SCHIP1: variants seen among roughly 807,000 people sequenced by gnomAD.
SCHIP1 encodes schwannomin interacting protein 1, also known as schwannomin-interacting protein 1.
SCHIP1 carries 8 observed loss-of-function variants against 29.7 expected under a neutral mutation model. The observed-to-expected ratio is 0.27, with a 90% CI of 0.16 to 0.49. SCHIP1 has a LOEUF of 0.49. SCHIP1 is among the 20% of genes least tolerant of loss of function. The pLI, the probability that SCHIP1 is intolerant of heterozygous loss-of-function variation, is 0.99. For synonymous variants in SCHIP1, 76 were observed against 94.9 expected (o/e 0.80, Z 1.16); for missense variants, 193 against 294.6 (o/e 0.66, Z 2.52).
At chr3:159,878,638 C>T (rs1181722117) in intron 2 of SCHIP1, among the ~76,000 whole-genome samples, 2 of 145,566 alleles carry the variant, frequency 1.4e-5, no homozygotes, top group Admixed American at 6.9e-5. Context: ...ATTAGCCGGG[C>T]GTAGTGGCGG....
At chr3:159,731,082 C>CA in the SCHIP1 span, among the ~76,000 whole-genome samples, 1 of 152,100 alleles carries the variant, frequency 6.6e-6, no homozygotes, top group Admixed American at 6.5e-5. Context: ...TAAAAGATCC[C>CA]AAATCTGTGA....
At chr3:159,493,422 G>A in the SCHIP1 span, among the ~76,000 whole-genome samples, 3,824 of 151,784 alleles carry the variant, frequency 0.025, 170 homozygotes, top group African/African-American at 0.088. Context: ...CCAGGCAAAT[G>A]GAAAACAAAA....
chr3:159,362,566 G>A, the SCHIP1 span, among the ~76,000 whole-genome samples: 1 of 152,124 alleles, frequency 6.6e-6, no homozygotes, highest in Non-Finnish European at 1.5e-5. Flanking sequence ...CAACCTCATT[G>A]TTCAGTTGGG....
At chr3:159,398,985 C>A in the SCHIP1 span, 1 of 978,154 alleles carries the variant, frequency 1.0e-6, no homozygotes, top group Non-Finnish European at 1.2e-6. Context: ...ACAGCCCAGC[C>A]CAGAGAACTG....
chr3:159,392,406 A>T, the SCHIP1 span, among the ~76,000 whole-genome samples: 1 of 151,974 alleles, frequency 6.6e-6, no homozygotes. Flanking sequence ...GGTGCGCTGC[A>T]CCCACTAACT....
At chr3:159,732,363 T>C in the SCHIP1 span, among the ~76,000 whole-genome samples, 1 of 152,208 alleles carries the variant, frequency 6.6e-6, no homozygotes, top group Non-Finnish European at 1.5e-5. Flanking sequence ...AGACAGTCCC[T>C]GGGAAGTTTG....
At chr3:159,804,838 G>A in the SCHIP1 span, among the ~76,000 whole-genome samples, 4 of 152,308 alleles carry the variant, frequency 2.6e-5, no homozygotes, top group African/African-American at 7.2e-5. Context: ...TCTCTGCTCT[G>A]TTTTTTGCCG....
intron 2 of SCHIP1, among the ~76,000 whole-genome samples, chr3:159,879,450 T>G (rs1160947033): frequency 1.3e-5 from 2 of 152,216 alleles, no homozygotes; most frequent in African/African-American, 4.8e-5. Context: ...CTGCTTCATG[T>G]GTATCTGAGG....
chr3:159,784,962 G>C, the SCHIP1 span, among the ~76,000 whole-genome samples: 1 of 152,122 alleles, frequency 6.6e-6, no homozygotes, highest in Non-Finnish European at 1.5e-5. Context: ...CCAAGTAAAT[G>C]GTTTTAAATC....
chr3:159,597,849 A>G, the SCHIP1 span, among the ~76,000 whole-genome samples: 1 of 152,222 alleles, frequency 6.6e-6, no homozygotes, highest in Non-Finnish European at 1.5e-5. Context: ...TGTGAAAGAT[A>G]CTACCCATGA....
chr3:159,827,509 C>T, the SCHIP1 span, among the ~76,000 whole-genome samples: 3 of 152,130 alleles, frequency 2.0e-5, no homozygotes, highest in East Asian at 3.8e-4. Flanking sequence ...TACTATTTTA[C>T]GTTATCCTAC....
the SCHIP1 span, among the ~76,000 whole-genome samples, chr3:159,528,670 T>C: frequency 1.3e-5 from 2 of 152,176 alleles, no homozygotes; most frequent in African/African-American, 2.4e-5. Flanking sequence ...CATATCAGCC[T>C]CAGAATGCCC....
chr3:159,514,448 A>G, the SCHIP1 span, among the ~76,000 whole-genome samples: 17 of 152,216 alleles, frequency 1.1e-4, no homozygotes, highest in African/African-American at 4.1e-4. Flanking sequence ...ATGGTTTATT[A>G]ACAAATTGAG....
chr3:159,468,959 G>A, the SCHIP1 span, among the ~76,000 whole-genome samples: 1 of 151,338 alleles, frequency 6.6e-6, no homozygotes, highest in African/African-American at 2.4e-5. Flanking sequence ...GTAAAGACGG[G>A]GTTTCACCGT....
chr3:159,680,569 TATA>T, the SCHIP1 span, among the ~76,000 whole-genome samples: 1 of 115,430 alleles, frequency 8.7e-6, no homozygotes, highest in African/African-American at 3.4e-5. Flanking sequence ...ATAATATATG[TATA>T]ATATATCTAT....
chr3:159,388,722 G>C, the SCHIP1 span, among the ~76,000 whole-genome samples: 1 of 151,984 alleles, frequency 6.6e-6, no homozygotes, highest in East Asian at 1.9e-4. Context: ...ATAAACAATA[G>C]ATCAATGATA....
chr3:159,352,635 A>T, the SCHIP1 span, among the ~76,000 whole-genome samples: 1 of 152,310 alleles, frequency 6.6e-6, no homozygotes, highest in South Asian at 2.1e-4. Context: ...ATACAGAACC[A>T]TTCCATCACA....
the SCHIP1 span, among the ~76,000 whole-genome samples, chr3:159,431,240 GGAGA>G: frequency 6.6e-6 from 1 of 152,130 alleles, no homozygotes; most frequent in Non-Finnish European, 1.5e-5. Flanking sequence ...AAAGGTCGAG[GGAGA>G]ATCAGTCTGA....
chr3:159,340,505 A>T, the SCHIP1 span, among the ~76,000 whole-genome samples: 2 of 152,184 alleles, frequency 1.3e-5, no homozygotes, highest in Non-Finnish European at 1.5e-5. Context: ...ATGCATTCAC[A>T]TTTTATGTAG....
Sources: allele counts gnomAD v4.1 joint callset (sites outside exome capture counted in the v4.1 genomes callset), GRCh38; gene constraint gnomAD v4.1.1; transcripts MANE v1.5; gene names NCBI Gene and HGNC (gene_info 2026-07-23, HGNC 2026-07-21).